SGIP1: variants seen among roughly 807,000 people sequenced by gnomAD.
The protein encoded by SGIP1 is SH3GL interacting endocytic adaptor 1.
In SGIP1, 38 loss-of-function variants were observed where a neutral mutation model predicts 107.5. That is an observed-to-expected ratio of 0.35 (90% CI 0.27 to 0.46). SGIP1 has a LOEUF of 0.46. SGIP1 is among the 20% of genes least tolerant of loss of function. The pLI is 1.00. For missense variants in SGIP1, 929 were observed against 1,019.5 expected (o/e 0.91, Z 1.21); for synonymous variants, 365 against 366.1 (o/e 1.00, Z 0.03).
intron 1 of SGIP1, among the ~76,000 whole-genome samples, chr1:66,568,303 T>A (rs562582203): frequency 2.2e-4 from 34 of 152,214 alleles, no homozygotes; most frequent in Admixed American, 5.2e-4. Context: ...GGCTCTCAGC[T>A]TTTCTATTGT....
At chr1:66,536,882 T>G (rs1345590249) in intron 1 of SGIP1, among the ~76,000 whole-genome samples, 1 of 152,214 alleles carries the variant, frequency 6.6e-6, no homozygotes, top group East Asian at 1.9e-4. Context: ...AGTCTGCTGC[T>G]CAGAAAAAGC....
At chr1:66,631,976 T>A (rs893945044) in intron 2 of SGIP1, among the ~76,000 whole-genome samples, 3 of 152,210 alleles carry the variant, frequency 2.0e-5, no homozygotes, top group Non-Finnish European at 4.4e-5. Context: ...AGTTTCTCCC[T>A]CTGCTCTTGT....
At chr1:66,714,094 CAAT>C (rs753993992) in intron 18 of SGIP1, among the ~76,000 whole-genome samples, 7 of 152,222 alleles carry the variant, frequency 4.6e-5, no homozygotes, top group Non-Finnish European at 8.8e-5. Context: ...GCAACAAAAA[CAAT>C]AATATTAGTC....
chr1:66,620,566 G>A (rs2070777923), intron 1 of SGIP1, among the ~76,000 whole-genome samples: 1 of 152,242 alleles, frequency 6.6e-6, no homozygotes. Flanking sequence ...GAGAGAGTGG[G>A]AGGAGGAGAT....
chr1:66,686,498 T>C (rs970212962), intron 15 of SGIP1, among the ~76,000 whole-genome samples: 1 of 152,176 alleles, frequency 6.6e-6, no homozygotes, highest in East Asian at 1.9e-4. Flanking sequence ...GAAAATGCAA[T>C]TGAAAATTGA....
In SGIP1 at chr1:66,678,183, A is replaced by G. The variant is rs1020688194; in HGVS notation, c.739+1087A>G. ...TGAATGTTTTCCCCTGCAAAACAAA[A>G]CTAGTGAAAAAGCTGTAACTTCCTT... On this transcript the variant is annotated intron_variant, in intron 13 of 24. Transcript: ENST00000371037. Among the ~76,000 whole-genome samples, 11 of 152,344 alleles carry G rather than the reference A, an allele frequency of 7.2e-5. No homozygotes were observed. In the East Asian group the frequency reaches 2.1e-3, roughly 29 times the overall value.
chr1:66,591,023 AT>A (rs1329058998), intron 1 of SGIP1, among the ~76,000 whole-genome samples: 2 of 152,200 alleles, frequency 1.3e-5, no homozygotes, highest in African/African-American at 2.4e-5. Flanking sequence ...ATCAATGTAA[AT>A]TTTTTAAGGC....
At chr1:66,740,141 A>C (rs957846845) in intron 22 of SGIP1, among the ~76,000 whole-genome samples, 4 of 152,222 alleles carry the variant, frequency 2.6e-5, no homozygotes, top group African/African-American at 4.8e-5. Context: ...GTAGTGTTTC[A>C]TTTTGTAGCC....
intron 15 of SGIP1, among the ~76,000 whole-genome samples, chr1:66,685,687 C>A (rs1431987074): frequency 6.6e-6 from 1 of 152,122 alleles, no homozygotes; most frequent in Non-Finnish European, 1.5e-5. Flanking sequence ...CAGCAATGTC[C>A]AATACAGTAG....
At chr1:66,722,485 A>G (rs374985121) in intron 19 of SGIP1, among the ~76,000 whole-genome samples, 1 of 152,170 alleles carries the variant, frequency 6.6e-6, no homozygotes, top group East Asian at 1.9e-4. Flanking sequence ...TTGTGTCCTC[A>G]GCTAAACAGG....
intron 19 of SGIP1, among the ~76,000 whole-genome samples, chr1:66,722,011 C>A (rs532463580): frequency 6.6e-6 from 1 of 152,070 alleles, no homozygotes; most frequent in Non-Finnish European, 1.5e-5. Flanking sequence ...CTTCGAGACT[C>A]CCCCAGCCTC....
intron 2 of SGIP1, among the ~76,000 whole-genome samples, chr1:66,630,898 A>AGAAAGAAAGAAAGAAGGAAAGAAAGAAG (rs2074317097): frequency 1.2e-4 from 1 of 8,250 alleles, no homozygotes; most frequent in Admixed American, 1.1e-3. Flanking sequence ...AAAGAAAGAA[A>AGAAAGAAAGAAAGAAGGAAAGAAAGAAG]GAAAGAAGGG....
intron 3 of SGIP1, chr1:66,634,124 T>G: frequency 6.2e-7 from 1 of 1,610,532 alleles, no homozygotes; most frequent in Non-Finnish European, 8.5e-7. Context: ...TCCTCACCTC[T>G]TGCTTCTGGC....
rs541182430 is a variant in SGIP1 at position 66,546,263 on chromosome 1, A to G, written c.10+11895A>G. ...TAGGATCACACTGGCTGAGAGCCAC[A>G]TTCTGGTTCCAGGAGTGTGCAGTTA... On this transcript the variant is annotated intron_variant, in intron 1 of 24. Coordinates refer to ENST00000371037, the MANE Select transcript of SGIP1 (RefSeq NM_032291.4). Among the ~76,000 whole-genome samples, 48 of 152,310 alleles carry G rather than the reference A, an allele frequency of 3.2e-4. 1 individual carries two copies. The South Asian group carries it at 9.3e-3, about 30-fold the overall frequency.
At chr1:66,534,457 G>A (rs1027605531) in intron 1 of SGIP1, 89 bp downstream of exon 1, 5 of 1,480,510 alleles carry the variant, frequency 3.4e-6, no homozygotes, top group Non-Finnish European at 3.8e-6. Flanking sequence ...TGTATGTGGC[G>A]GTTCTAGAAC....
At chr1:66,714,004 C>T (rs1290147111) in intron 18 of SGIP1, among the ~76,000 whole-genome samples, 1 of 152,078 alleles carries the variant, frequency 6.6e-6, no homozygotes, top group Non-Finnish European at 1.5e-5. Flanking sequence ...CCCTTTGTTT[C>T]TGCCTAAAAA....
rs372765518 is a variant in SGIP1 at position 66,750,003 on chromosome 1, C to CTCTTTA, written c.*6911_*6912insTTATCT. On this transcript the variant is annotated 3_prime_UTR_variant, in exon 25 of 25. Coordinates refer to ENST00000371037, the MANE Select transcript of SGIP1 (RefSeq NM_032291.4). ...CTCCTATCTAATTCATATTCTCTCT[C>CTCTTTA]TCTCTCTCTCTCTTTCTCTGTGTGT... Among the ~76,000 whole-genome samples the CTCTTTA allele has an allele frequency of 0.41, 61,571 of 150,774 alleles. 13,743 individuals are homozygous for CTCTTTA. The highest frequency in any genetic ancestry group is 0.53 in the African/African-American group (21,571 of 41,074).
chr1:66,580,696 T>C (rs114237398), intron 1 of SGIP1, among the ~76,000 whole-genome samples: 1,834 of 152,286 alleles, frequency 0.012, 21 homozygotes, highest in Middle Eastern at 0.031. Flanking sequence ...ATCTTAATTA[T>C]ACAAGAATTC....
At chr1:66,626,753 T>C (rs2149323790) in intron 2 of SGIP1, among the ~76,000 whole-genome samples, 1 of 152,280 alleles carries the variant, frequency 6.6e-6, no homozygotes, top group East Asian at 1.9e-4. Flanking sequence ...CAGGTGGTTG[T>C]GACCAGGTAG....
Sources: gnomAD v4.1 joint callset for allele counts (sites outside exome capture counted in the v4.1 genomes callset) on GRCh38, gnomAD v4.1.1 for gene constraint, MANE v1.5 for transcripts, NCBI Gene and HGNC (gene_info 2026-07-23, HGNC 2026-07-21) for gene names.